The following LRRC4C variants were observed in gnomAD, a reference collection of about 807,000 sequenced individuals.
The protein encoded by LRRC4C is leucine-rich repeat-containing protein 4C.
LRRC4C carries 5 observed loss-of-function variants against 33.6 expected under a neutral mutation model. The ratio of observed to expected loss-of-function variants is 0.15; its 90% CI spans 0.08 to 0.31. The LOEUF (loss-of-function observed/expected upper bound fraction) is 0.31. LRRC4C is among the 10% of genes least tolerant of loss of function. LRRC4C has a pLI of 1.00. For synonymous variants in LRRC4C, 329 were observed against 302.0 expected, an observed-to-expected ratio of 1.09 and a Z score of -0.93; for missense variants, 560 against 796.7, an observed-to-expected ratio of 0.70 and a Z score of 3.58.
intron 4 of LRRC4C, among the ~76,000 whole-genome samples, chr11:40,273,402 C>A (rs546668304): frequency 6.6e-6 from 1 of 152,106 alleles, no homozygotes; most frequent in Non-Finnish European, 1.5e-5. Flanking sequence ...AGAACAAATA[C>A]ACTACCTTAA....
At chr11:40,916,441 G>T (rs940134090) in intron 2 of LRRC4C, among the ~76,000 whole-genome samples, 15 of 152,060 alleles carry the variant, frequency 9.9e-5, no homozygotes, top group African/African-American at 3.1e-4. Context: ...GCAAACTATC[G>T]CAAGGACAAA....
At chr11:40,773,600 C>A (rs1949855378) in intron 2 of LRRC4C, among the ~76,000 whole-genome samples, 1 of 151,592 alleles carries the variant, frequency 6.6e-6, no homozygotes, top group South Asian at 2.1e-4. Flanking sequence ...TATGCAAAAC[C>A]TATATGAAGA....
intron 2 of LRRC4C, among the ~76,000 whole-genome samples, chr11:40,770,381 C>T (rs1219909995): frequency 3.9e-5 from 6 of 152,124 alleles, no homozygotes; most frequent in Non-Finnish European, 8.8e-5. Flanking sequence ...ATGATAGAAT[C>T]ACCACCCACA....
chr11:40,448,331 C>T (rs1951731905), intron 3 of LRRC4C, among the ~76,000 whole-genome samples: 1 of 152,058 alleles, frequency 6.6e-6, no homozygotes, highest in Non-Finnish European at 1.5e-5. Context: ...ATACACATGC[C>T]ATGGTGGTTT....
chr11:40,541,353 C>T (rs10768606), intron 3 of LRRC4C, among the ~76,000 whole-genome samples: 4 of 151,866 alleles, frequency 2.6e-5, no homozygotes, highest in African/African-American at 4.8e-5. Context: ...GGGATCTTCT[C>T]GCCTCAGCCT....
At chr11:41,262,510 T>C (rs1949015994) in intron 1 of LRRC4C, among the ~76,000 whole-genome samples, 3 of 152,090 alleles carry the variant, frequency 2.0e-5, no homozygotes, top group Admixed American at 1.3e-4. Context: ...GGGCTTCTCT[T>C]TCTTGGAGTC....
intron 1 of LRRC4C, among the ~76,000 whole-genome samples, chr11:41,148,279 T>G (rs144748349): frequency 6.6e-6 from 1 of 152,038 alleles, no homozygotes; most frequent in East Asian, 1.9e-4. Context: ...ACTCCCAAAG[T>G]GCTGGGATTA....
intron 3 of LRRC4C, among the ~76,000 whole-genome samples, chr11:40,421,495 T>G (rs1281060987): frequency 6.6e-6 from 1 of 152,170 alleles, no homozygotes; most frequent in Non-Finnish European, 1.5e-5. Context: ...AGCAGAATGG[T>G]TGGCAGTTCA....
chr11:40,725,213 A>C (rs899330572), intron 2 of LRRC4C, among the ~76,000 whole-genome samples: 1 of 152,214 alleles, frequency 6.6e-6, no homozygotes, highest in African/African-American at 2.4e-5. Context: ...GGCATTCTCC[A>C]TAAGAACTGG....
intron 3 of LRRC4C, among the ~76,000 whole-genome samples, chr11:40,475,895 C>T (rs898064809): frequency 2.0e-5 from 3 of 152,104 alleles, no homozygotes; most frequent in Non-Finnish European, 4.4e-5. Context: ...TGCTACTTAC[C>T]AGTGTGCCTA....
At chr11:40,698,798 C>T (rs374776487) in intron 2 of LRRC4C, among the ~76,000 whole-genome samples, 40 of 152,102 alleles carry the variant, frequency 2.6e-4, no homozygotes, top group African/African-American at 7.5e-4. Context: ...TTGAGGCAGA[C>T]GAGAGAAATG....
chr11:40,442,463 AATATATAAATAATTGAAATGTG>A (rs1951440253), intron 3 of LRRC4C, among the ~76,000 whole-genome samples: 2 of 152,186 alleles, frequency 1.3e-5, no homozygotes, highest in Admixed American at 6.5e-5. Flanking sequence ...GAGATAGACC[AATATATAAATAATTGAAATGTG>A]ATAAGATAAA....
intron 2 of LRRC4C, among the ~76,000 whole-genome samples, chr11:40,750,547 T>C (rs1241752274): frequency 2.0e-5 from 3 of 150,028 alleles, no homozygotes; most frequent in Non-Finnish European, 4.4e-5. Context: ...AGCAAACTAT[T>C]GCAAGGACAA....
intron 1 of LRRC4C, among the ~76,000 whole-genome samples, chr11:41,167,039 T>C (rs1185553556): frequency 1.3e-5 from 2 of 152,178 alleles, no homozygotes; most frequent in Non-Finnish European, 2.9e-5. Flanking sequence ...ATGCCATGAA[T>C]TCCATCACTA....
intron 1 of LRRC4C, among the ~76,000 whole-genome samples, chr11:41,251,223 A>C (rs1948627964): frequency 6.6e-6 from 1 of 152,214 alleles, no homozygotes. Flanking sequence ...CATGCCTACC[A>C]TTAAGAAGGA....
intron 1 of LRRC4C, among the ~76,000 whole-genome samples, chr11:41,019,744 T>G (rs1855829835): frequency 6.6e-6 from 1 of 152,174 alleles, no homozygotes. Context: ...CTCACTGTGG[T>G]TTTGATTTGC....
At chr11:41,082,891 T>G (rs942808208) in intron 1 of LRRC4C, among the ~76,000 whole-genome samples, 36 of 152,284 alleles carry the variant, frequency 2.4e-4, no homozygotes, top group African/African-American at 8.7e-4. Flanking sequence ...AGATGTTTAT[T>G]ATAGTGATAA....
In LRRC4C at chr11:41,345,122, T is replaced by C. The variant is rs1187045713; in HGVS notation, c.-496+114309A>G. Among the ~76,000 whole-genome samples, 3 of 152,194 alleles carry C rather than the reference T, an allele frequency of 2.0e-5. No individual in the cohort carries two copies. In the South Asian group the frequency reaches 6.2e-4, roughly 31 times the overall value. ...TGATGAAAATTCTGGTGAAATAAGC[T>C]ATGTTTTCATGAAAAGATGGCTGAT... On this transcript the variant is annotated intron_variant, in intron 1 of 6. Transcript: ENST00000528697.
intron 5 of LRRC4C, among the ~76,000 whole-genome samples, chr11:40,204,589 T>G (rs1168728179): frequency 6.6e-6 from 1 of 152,150 alleles, no homozygotes; most frequent in Non-Finnish European, 1.5e-5. Flanking sequence ...CATTCCTGCC[T>G]TATTCTAAGT....
Sources: gnomAD v4.1 joint callset for allele counts (sites outside exome capture counted in the v4.1 genomes callset) on GRCh38, gnomAD v4.1.1 for gene constraint, MANE v1.5 for transcripts, NCBI Gene and HGNC (gene_info 2026-07-23, HGNC 2026-07-21) for gene names.